The following LRP1B variants were observed in gnomAD, a reference collection of about 807,000 sequenced individuals.
LRP1B encodes the protein low-density lipoprotein receptor-related protein 1B.
In LRP1B, 217 loss-of-function variants were observed where a neutral mutation model predicts 556.6. The ratio of observed to expected loss-of-function variants is 0.39; its 90% CI spans 0.35 to 0.44. The LOEUF is 0.44. Ranked by LOEUF, LRP1B falls within the 20% of genes least tolerant of loss-of-function variation. The probability of loss-of-function intolerance (pLI) is 1.00; values close to 1 mark genes in which losing one functional copy is unlikely to be tolerated. For synonymous variants in LRP1B, 2,047 were observed against 1,865.8 expected (o/e 1.10, Z -2.50); for missense variants, 5,053 against 5,620.8 (o/e 0.90, Z 3.23).
At chr2:140,317,266 C>T (rs1460231348) in intron 82 of LRP1B, among the ~76,000 whole-genome samples, 1 of 151,972 alleles carries the variant, frequency 6.6e-6, no homozygotes, top group Non-Finnish European at 1.5e-5. Context: ...AAAATGGCAG[C>T]TTAAAAAAGC....
rs1253155010 is a variant in LRP1B at position 140,371,184 on chromosome 2, C to T, written c.10870G>A (p.Asp3624Asn). ...NGEYDCADGSDEMDCVTECKE... is the reference protein window; with the variant it reads ...NGEYDCADGSNEMDCVTECKE... ...AATTAAACAATATATTTTACCTCAT[C>T]TGAACCATCAGCACAATCATATTCT... The change falls in exon 70 of 91, where the codon GAT becomes AAT. Residue 3624 changes from aspartate to asparagine, a missense_variant. Transcript: ENST00000389484. The T allele has an allele frequency of 6.4e-7, 1 of 1,574,512 alleles. No individual in the cohort carries two copies. Among genetic ancestry groups the T allele is most frequent in the South Asian group, 1.2e-5 (1 of 84,096 alleles).
Position 141,404,303 on chromosome 2 carries a change from T to A in LRP1B, c.343+76093A>T, listed in dbSNP as rs147584450. 3.8e-3 allele frequency among the ~76,000 whole-genome samples: 572 copies of A among 152,300 alleles called. 13 individuals are homozygous for A. The highest frequency in any genetic ancestry group is 0.025 in the Admixed American group (378 of 15,296). The stretch of plus-strand genomic sequence containing the variant: ...TGTGATGAAGATCGTAGTAGTTACT[T>A]TAAGAAAAATCAGTTTTCTTTTTTT... On this transcript the variant is annotated intron_variant, in intron 3 of 90. Transcript: ENST00000389484.
chr2:141,618,376 C>T (rs966154406), intron 2 of LRP1B, among the ~76,000 whole-genome samples: 3 of 152,040 alleles, frequency 2.0e-5, no homozygotes, highest in Non-Finnish European at 4.4e-5. Flanking sequence ...TGTTTTATGA[C>T]GTTTAGGTGC....
chr2:141,147,001 T>C (rs1010248302), intron 7 of LRP1B, among the ~76,000 whole-genome samples: 1 of 152,180 alleles, frequency 6.6e-6, no homozygotes, highest in Admixed American at 6.5e-5. Context: ...ATCCTCCTAC[T>C]AGCTTCTGGT....
intron 1 of LRP1B, among the ~76,000 whole-genome samples, chr2:142,063,029 A>T (rs1194370549): frequency 1.4e-5 from 2 of 147,418 alleles, no homozygotes; most frequent in Non-Finnish European, 3.0e-5. Context: ...TATTAGCTCT[A>T]TCTAAAAGAT....
intron 7 of LRP1B, among the ~76,000 whole-genome samples, chr2:141,082,174 T>C (rs1215418097): frequency 1.3e-5 from 2 of 152,152 alleles, no homozygotes; most frequent in Non-Finnish European, 2.9e-5. Context: ...AATAGCACAC[T>C]GAGAATCTCC....
chr2:140,933,237 T>C (rs1444802562), intron 20 of LRP1B, among the ~76,000 whole-genome samples: 1 of 151,966 alleles, frequency 6.6e-6, no homozygotes, highest in Non-Finnish European at 1.5e-5. Flanking sequence ...TTCATATAAA[T>C]AAGAAAACAA....
At chr2:141,178,419 T>C (rs973488995) in intron 7 of LRP1B, among the ~76,000 whole-genome samples, 3 of 152,122 alleles carry the variant, frequency 2.0e-5, no homozygotes, top group Admixed American at 2.0e-4. Flanking sequence ...AGTCTTTTGA[T>C]AGTTTAGATA....
intron 7 of LRP1B, among the ~76,000 whole-genome samples, chr2:141,109,126 C>T (rs974501737): frequency 4.6e-5 from 7 of 152,160 alleles, no homozygotes; most frequent in African/African-American, 1.7e-4. Context: ...ATGGCCCCAC[C>T]CAGAAGTGGA....
At chr2:141,254,205 A>G (rs1302801723) in intron 4 of LRP1B, among the ~76,000 whole-genome samples, 4 of 152,128 alleles carry the variant, frequency 2.6e-5, no homozygotes, top group African/African-American at 9.7e-5. Flanking sequence ...CATGTCTACT[A>G]GACTGCAGCT....
At chr2:140,897,673 C>G (rs187577705) in intron 23 of LRP1B, among the ~76,000 whole-genome samples, 2 of 152,152 alleles carry the variant, frequency 1.3e-5, no homozygotes, top group African/African-American at 4.8e-5. Context: ...ACTAGATTTG[C>G]TAAGTCTTCT....
intron 2 of LRP1B, among the ~76,000 whole-genome samples, chr2:141,498,356 C>CT (rs67454706): frequency 0.53 from 76,482 of 143,920 alleles, 20,283 homozygotes; most frequent in African/African-American, 0.57. Flanking sequence ...CTTTAAAATC[C>CT]TTTTTTTTTT....
At chr2:141,146,380 G>A (rs989424297) in intron 7 of LRP1B, among the ~76,000 whole-genome samples, 4 of 152,142 alleles carry the variant, frequency 2.6e-5, no homozygotes, top group Non-Finnish European at 5.9e-5. Context: ...CTTAAATACA[G>A]TGAAAGCACA....
Position 140,240,322 on chromosome 2 carries a change from A to G in LRP1B, c.13325-790T>C, listed in dbSNP as rs1029317318. 8.6e-5 allele frequency among the ~76,000 whole-genome samples: 13 copies of G among 150,980 alleles called. No homozygotes were observed. The East Asian group carries it at 2.3e-3, about 27-fold the overall frequency. Reference sequence around the variant, plus strand: ...AGAAAGGTCTTGGGTACTAGCACTAACAGAATAGATCTTCAAAAATGATCA... The same window carrying G: ...AGAAAGGTCTTGGGTACTAGCACTAGCAGAATAGATCTTCAAAAATGATCA... On this transcript the variant is annotated intron_variant, in intron 87 of 90. Coordinates refer to ENST00000389484, the MANE Select transcript of LRP1B (RefSeq NM_018557.3).
chr2:142,115,845 T>TATATCATATATATGTA (rs1553519118), intron 1 of LRP1B, among the ~76,000 whole-genome samples: 1 of 9,354 alleles, frequency 1.1e-4, no homozygotes, highest in African/African-American at 3.5e-4. Context: ...ATATGTAATA[T>TATATCATATATATGTA]ATATATATAC....
chr2:140,473,139 G>A (rs1687837326), intron 60 of LRP1B, among the ~76,000 whole-genome samples: 1 of 151,848 alleles, frequency 6.6e-6, no homozygotes, highest in Admixed American at 6.6e-5. Context: ...TTTCGTTGAT[G>A]GTAGAGTTGG....
rs183556378 is a variant in LRP1B at position 141,475,011 on chromosome 2, A to G, written c.343+5385T>C. On this transcript the variant is annotated intron_variant, in intron 3 of 90. Transcript: ENST00000389484. ...CTTTTCACTGACCTCTGAACTTTCT[A>G]TATTCTTTTAACAGGATAAGGGCAG... 4.9e-3 allele frequency among the ~76,000 whole-genome samples: 753 copies of G among 152,292 alleles called. 7 individuals are homozygous for G. Among genetic ancestry groups the G allele is most frequent in the African/African-American group, 0.016 (655 of 41,554 alleles).
At chr2:141,869,007 T>G (rs2105797742) in intron 1 of LRP1B, among the ~76,000 whole-genome samples, 1 of 152,250 alleles carries the variant, frequency 6.6e-6, no homozygotes, top group South Asian at 2.1e-4. Flanking sequence ...TCAATTGGAT[T>G]TTGTTTTATT....
At chr2:140,646,361 T>C (rs1437988059) in intron 41 of LRP1B, among the ~76,000 whole-genome samples, 1 of 152,214 alleles carries the variant, frequency 6.6e-6, no homozygotes, top group African/African-American at 2.4e-5. Flanking sequence ...GTTCTTACGA[T>C]TGCATAGCAA....
Sources: gnomAD v4.1 joint callset for allele counts (sites outside exome capture counted in the v4.1 genomes callset) on GRCh38, gnomAD v4.1.1 for gene constraint, MANE v1.5 for transcripts, NCBI Gene and HGNC (gene_info 2026-07-23, HGNC 2026-07-21) for gene names.